Variants in DDX49 observed in about 807,000 individuals in gnomAD.
DDX49 encodes DEAD-box helicase 49, also known as probable ATP-dependent RNA helicase DDX49.
In DDX49, 50 loss-of-function variants were observed where a neutral mutation model predicts 56.3. The observed-to-expected ratio is 0.89, with a 90% CI of 0.71 to 1.12. The LOEUF is 1.12. Ranked by LOEUF, DDX49 falls within the 50% of genes most tolerant of loss-of-function variation. The pLI, the probability that DDX49 is intolerant of heterozygous loss-of-function variation, is 0.00. For missense variants in DDX49, 614 were observed against 650.5 expected (o/e 0.94, Z 0.61); for synonymous variants, 269 against 270.6 (o/e 0.99, Z 0.06).
chr19:18,920,803 G>A (rs1480132840), intron 2 of DDX49, 100 bp downstream of exon 2: 3 of 1,296,542 alleles, frequency 2.3e-6, no homozygotes, highest in Non-Finnish European at 3.1e-6. Flanking sequence ...CGTGTGAGAT[G>A]AGCATGAAAA....
In DDX49 at chr19:18,928,165, C is replaced by T. The variant is rs1442248037; in HGVS notation, c.1301C>T (p.Ala434Val). The T allele has an allele frequency of 1.3e-6, 2 of 1,594,506 alleles. No individual in the cohort carries two copies. The highest frequency in any genetic ancestry group is 2.3e-5 in the East Asian group (1 of 43,826). ...GAGGCCAAGCGCAAGGCTGAGCTGG[C>T]CAAGATCAAGCAGAAGAACCGGCGC... ...DLEAKRKAEL[A>V]KIKQKNRRFK... is the part of the protein sequence containing the mutation. Residue 434 changes from alanine (A) to valine (V), a missense_variant, in exon 13 of 13, where the codon GCC becomes GTC. Coordinates refer to ENST00000247003, the MANE Select transcript of DDX49 (RefSeq NM_019070.5).
At chr19:18,927,671 T>C (rs1285567571) in intron 10 of DDX49, 95 bp from the exon 11 acceptor site, 2 of 1,048,610 alleles carry the variant, frequency 1.9e-6, no homozygotes, top group African/African-American at 3.1e-5. Context: ...TGGCCTTGCA[T>C]ACCCCACAGC....
chr19:18,924,797 C>T, intron 8 of DDX49, 85 bp from the exon 9 acceptor site: 2 of 1,612,656 alleles, frequency 1.2e-6, no homozygotes, highest in Non-Finnish European at 1.7e-6. Flanking sequence ...GCAGCCCTAG[C>T]ATCCCTGCTG....
intron 6 of DDX49, 123 bp downstream of exon 6, chr19:18,922,867 G>A (rs1394854075): frequency 1.5e-6 from 2 of 1,305,110 alleles, no homozygotes; most frequent in Admixed American, 4.4e-5. Context: ...TGGAGGTCAT[G>A]GGGGCTTCCC....
Position 18,919,803 on chromosome 19 carries a change from G to C in DDX49, c.62G>C (p.Gly21Ala). Residue 21 changes from glycine to alanine, a missense_variant, in exon 1 of 13, where the codon GGT (glycine) becomes GCT (alanine). Transcript: ENST00000247003. ...SWLVEQCRQLGLKQPTPVQLG... is the reference protein window; with the variant it reads ...SWLVEQCRQLALKQPTPVQLG... ...CTCGTGGAACAATGTCGGCAGCTGG[G>C]TTTGAAGCAGCCCACGCCCGTGCAG... The C allele has an allele frequency of 6.2e-7, 1 of 1,612,752 alleles. No homozygotes were observed. Among genetic ancestry groups the C allele is most frequent in the Non-Finnish European group, 8.5e-7 (1 of 1,179,290 alleles).
chr19:18,927,744 C>G, intron 10 of DDX49, 22 bp from the exon 11 acceptor site: 1 of 1,605,924 alleles, frequency 6.2e-7, no homozygotes, highest in Non-Finnish European at 8.5e-7. Flanking sequence ...CACCCCCACC[C>G]CCGGCTTTGC....
At chr19:18,925,261 A>C (rs1341830288) in intron 9 of DDX49, 2 of 329,840 alleles carry the variant, frequency 6.1e-6, no homozygotes, top group Non-Finnish European at 1.1e-5. Flanking sequence ...CTCCAAAAAA[A>C]TAAAATAAAA....
chr19:18,927,730 T>TGCC, intron 10 of DDX49, 36 bp from the exon 11 acceptor site: 252 of 1,560,644 alleles, frequency 1.6e-4, no homozygotes, highest in Non-Finnish European at 2.0e-4. Flanking sequence ...TCACGTCTCC[T>TGCC]CCCCACCCCC....
chr19:18,928,444 C>T lies in DDX49; in HGVS notation c.*128C>T, dbSNP rs890895787. On this transcript the variant is annotated 3_prime_UTR_variant, in exon 13 of 13. Coordinates refer to ENST00000247003, the MANE Select transcript of DDX49 (RefSeq NM_019070.5). ...CCCCACAGCAGAACCCGTGGGCGCT[C>T]GTGTTGTGCGGGCCCTGCTCCTCTG... is the stretch of plus-strand genomic sequence containing the variant. 1.1e-5 allele frequency: 10 copies of T among 931,142 alleles called. No individual in the cohort carries two copies. Among genetic ancestry groups the T allele is most frequent in the East Asian group, 2.7e-5 (1 of 37,338 alleles). The allele number at this position is 931,142 out of a possible 1,614,324, so 57.7% of individuals were successfully genotyped here.
intron 6 of DDX49, among the ~76,000 whole-genome samples, chr19:18,922,961 AC>A (rs1384213604): frequency 6.6e-6 from 1 of 152,028 alleles, no homozygotes; most frequent in Non-Finnish European, 1.5e-5. Context: ...GGGCCAGGAA[AC>A]CCCTGCAAGC....
In DDX49 at chr19:18,926,251, G is replaced by A. The variant is rs886260507; in HGVS notation, c.1028-52G>A. ...TAGCTGTCAGGATCTACCTTTATTCGCCCCATGTCCTGACGCCCAGCACAT... is the reference window on the plus strand; with the variant it reads ...TAGCTGTCAGGATCTACCTTTATTCACCCCATGTCCTGACGCCCAGCACAT... On this transcript the variant is annotated intron_variant, in intron 9 of 12. Coordinates refer to ENST00000247003, the MANE Select transcript of DDX49 (RefSeq NM_019070.5). 56 of 1,536,148 alleles carry A rather than the reference G, an allele frequency of 3.6e-5. No homozygotes were observed. In the East Asian group the frequency reaches 5.1e-4, roughly 14 times the overall value.
In DDX49 at chr19:18,924,718, C is replaced by T; in HGVS notation, c.929+19C>T. 2 of 1,614,190 alleles carry T rather than the reference C, an allele frequency of 1.2e-6. No homozygotes were observed. The highest frequency in any genetic ancestry group is 1.7e-6 in the Non-Finnish European group (2 of 1,180,006). ...CCTCCCGGTGAGCAGCCCCCAGTCT[C>T]CTGCCAAGGGCACTCCCTCTTTTAC... On this transcript the variant is annotated intron_variant, in intron 8 of 12. Transcript: ENST00000247003.
chr19:18,922,764 C>G lies in DDX49; in HGVS notation c.776+20C>G. On this transcript the variant is annotated intron_variant, in intron 6 of 12. Transcript: ENST00000247003. ...GTGCAAGTGAGCGGGGCCCGCCTCT[C>G]CCCTCCCACCGCCCTTCAAAGGAGG... 1 of 1,605,850 alleles carries G rather than the reference C, an allele frequency of 6.2e-7. No homozygotes were observed. Among genetic ancestry groups the G allele is most frequent in the Non-Finnish European group, 8.5e-7 (1 of 1,173,836 alleles).
chr19:18,927,369 T>C (rs947240816), intron 10 of DDX49, among the ~76,000 whole-genome samples: 1 of 152,012 alleles, frequency 6.6e-6, no homozygotes, highest in African/African-American at 2.4e-5. Flanking sequence ...AGTAAGACCC[T>C]GTCTTCAAAA....
In DDX49 at chr19:18,927,830, CGTG is replaced by C; in HGVS notation, c.1171_1173del (p.Val391del). The C allele has an allele frequency of 6.2e-7, 1 of 1,614,034 alleles. No homozygotes were observed. The highest frequency in any genetic ancestry group is 8.5e-7 in the Non-Finnish European group (1 of 1,180,006). ...TGCTACAGATCCTCACACAGGTCAA[CGTG>C]GTGCGAAGAGAGTGTGAGATCGTGA... On this transcript the variant is annotated inframe_deletion, in exon 11 of 13. Transcript: ENST00000247003.
rs1366402109 is a variant in DDX49 at position 18,924,978 on chromosome 19, A to G, written c.1026A>G (p.Ala342=). The change falls in exon 9 of 13, where the codon GCA becomes GCG. Residue 342 remains alanine (A), a splice_region_variant and synonymous_variant. Transcript: ENST00000247003. ...YIHRVGRTAR[A]GRQGQAITLV... Reference sequence around the variant, plus strand: ...ACCGAGTCGGCCGGACGGCCCGTGCAGGTGAGCAGTGGAGGGGGAGGCCGA... The same window carrying G: ...ACCGAGTCGGCCGGACGGCCCGTGCGGGTGAGCAGTGGAGGGGGAGGCCGA... 5 of 1,610,134 alleles carry G rather than the reference A, an allele frequency of 3.1e-6. No homozygotes were observed. The Admixed American group carries it at 5.0e-5, about 16-fold the overall frequency.
chr19:18,926,061 C>T (rs1321222971), intron 9 of DDX49, among the ~76,000 whole-genome samples: 1 of 152,206 alleles, frequency 6.6e-6, no homozygotes, highest in African/African-American at 2.4e-5. Flanking sequence ...AAAGGGAAAT[C>T]GGGCAGTAAC....
chr19:18,921,592 G>C, intron 2 of DDX49, 71 bp from the exon 3 acceptor site: 3 of 1,437,854 alleles, frequency 2.1e-6, no homozygotes, highest in African/African-American at 1.4e-5. Context: ...GGAACCCTGG[G>C]GATGGAGAGG....
At position 18,921,976 on chromosome 19, in the gene DDX49, C is replaced by T. The variant is rs777610492; in HGVS notation, c.447+12C>T. On this transcript the variant is annotated intron_variant, in intron 4 of 12. Coordinates refer to ENST00000247003, the MANE Select transcript of DDX49 (RefSeq NM_019070.5). ...AGATCCGCTTCCTGGTGAGTTCGCCCCGCCCCTGCAGACCTCAGGAGCTGG... is the reference window on the plus strand; with the variant it reads ...AGATCCGCTTCCTGGTGAGTTCGCCTCGCCCCTGCAGACCTCAGGAGCTGG... 3.7e-6 allele frequency: 6 copies of T among 1,600,710 alleles called. No homozygotes were observed. The Admixed American group carries it at 6.7e-5, about 18-fold the overall frequency.
Sources: allele counts gnomAD v4.1 joint callset (sites outside exome capture counted in the v4.1 genomes callset), GRCh38; gene constraint gnomAD v4.1.1; transcripts MANE v1.5; gene names NCBI Gene and HGNC (gene_info 2026-07-23, HGNC 2026-07-21).